EIF3E: variants seen among roughly 807,000 people sequenced by gnomAD.
EIF3E encodes eIF-3 p48.
Under a neutral mutation model 59.3 loss-of-function variants are expected in EIF3E, and 25 were observed. The ratio of observed to expected loss-of-function variants is 0.42; its 90% CI spans 0.31 to 0.59. The LOEUF (loss-of-function observed/expected upper bound fraction) is 0.59, where lower values mean the gene tolerates loss of function less well. Among genes scored for constraint, EIF3E ranks in the 20% least tolerant of loss-of-function variants. The pLI is 0.15. For synonymous variants in EIF3E, 176 were observed against 170.2 expected (o/e 1.03, Z -0.26); for missense variants, 317 against 534.3 (o/e 0.59, Z 4.01).
intron 3 of EIF3E, among the ~76,000 whole-genome samples, chr8:108,239,114 C>G (rs2129919118): frequency 6.6e-6 from 1 of 152,284 alleles, no homozygotes; most frequent in Non-Finnish European, 1.5e-5. Context: ...AAAGTGAGCT[C>G]AGGTTTCTCT....
intron 10 of EIF3E, among the ~76,000 whole-genome samples, chr8:108,205,752 G>C (rs982549588): frequency 1.3e-5 from 2 of 148,462 alleles, no homozygotes; most frequent in African/African-American, 2.5e-5. Flanking sequence ...CAAGTGTCTT[G>C]ATATCACAGA....
chr8:108,248,029 G>C (rs893462807), intron 1 of EIF3E, among the ~76,000 whole-genome samples: 1 of 142,512 alleles, frequency 7.0e-6, no homozygotes, highest in East Asian at 2.5e-4. Flanking sequence ...TTTTTCTGGG[G>C]GGGGGGGCGG....
At chr8:108,214,368 C>G (rs780960701) in intron 10 of EIF3E, among the ~76,000 whole-genome samples, 1 of 152,116 alleles carries the variant, frequency 6.6e-6, no homozygotes, top group Non-Finnish European at 1.5e-5. Context: ...AACTGATAAT[C>G]ATATATTGCC....
chr8:108,242,357 T>C, intron 1 of EIF3E: 1 of 1,289,424 alleles, frequency 7.8e-7, no homozygotes, highest in Non-Finnish European at 1.0e-6. Context: ...CTGCACCAAG[T>C]TTTTAAGTCA....
rs75558124 is a variant in EIF3E at position 108,213,432 on chromosome 8, A to T, written c.1061+1175T>A. Among the ~76,000 whole-genome samples the T allele has an allele frequency of 5.7e-3, 866 of 152,328 alleles. 8 individuals carry two copies. Among genetic ancestry groups the T allele is most frequent in the African/African-American group, 0.02 (818 of 41,570 alleles). On this transcript the variant is annotated intron_variant, in intron 10 of 12. Transcript: ENST00000220849. ...TATGTTAGGTGCTAAAGATGCAAAA[A>T]AAAGGGTCAGCTTTCAAAAGGCCCA...
At chr8:108,209,638 T>C (rs1815170257) in intron 10 of EIF3E, among the ~76,000 whole-genome samples, 3 of 152,202 alleles carry the variant, frequency 2.0e-5, no homozygotes, top group Admixed American at 6.5e-5. Flanking sequence ...TGTAATGTTT[T>C]CTTTGGAGAG....
At position 108,228,284 on chromosome 8, in the gene EIF3E, G is replaced by GAGGTCAAT; in HGVS notation, c.697_704dup (p.Phe236LeufsTer25). The GAGGTCAAT allele has an allele frequency of 6.3e-7, 1 of 1,597,310 alleles. No individual in the cohort carries two copies. The highest frequency in any genetic ancestry group is 2.3e-5 in the East Asian group (1 of 44,202). On this transcript the variant is annotated frameshift_variant, in exon 7 of 13. Coordinates refer to ENST00000220849, the MANE Select transcript of EIF3E (RefSeq NM_001568.3). LOFTEE classifies it high-confidence loss of function. Reference sequence around the variant, plus strand: ...TAACTTACTGTGGCTGATAAAGGAAGAGGTCAATAATATTATCGCGACCTT... The same window carrying GAGGTCAAT: ...TAACTTACTGTGGCTGATAAAGGAAGAGGTCAATAGGTCAATAATATTATCGCGACCTT...
chr8:108,239,246 G>A (rs1353422681), intron 3 of EIF3E, among the ~76,000 whole-genome samples: 1 of 152,130 alleles, frequency 6.6e-6, no homozygotes, highest in Non-Finnish European at 1.5e-5. Context: ...GTGGTATTAT[G>A]ACACTGACTC....
rs765453676 is a variant in EIF3E at position 108,229,235 on chromosome 8, T to C, written c.472-40A>G. The C allele has an allele frequency of 7.5e-6, 12 of 1,596,678 alleles. No homozygotes were observed. In the African/African-American group the frequency reaches 8.1e-5, roughly 11 times the overall value. On this transcript the variant is annotated intron_variant, in intron 5 of 12. Transcript: ENST00000220849. ...ATAATTAATTATATTGTGAATACTC[T>C]TGAAAAATGAACATAATGTATGTTT...
At chr8:108,247,379 G>A (rs995279819) in intron 1 of EIF3E, among the ~76,000 whole-genome samples, 1 of 152,238 alleles carries the variant, frequency 6.6e-6, no homozygotes, top group African/African-American at 2.4e-5. Flanking sequence ...AGAAAACAAT[G>A]CAGATGCGAA....
At chr8:108,218,785 T>TA (rs1431100653) in intron 7 of EIF3E, among the ~76,000 whole-genome samples, 1 of 142,004 alleles carries the variant, frequency 7.0e-6, no homozygotes, top group Non-Finnish European at 1.5e-5. Flanking sequence ...TTTATTTCTT[T>TA]TTTTTTTTTT....
chr8:108,233,876 T>TTA (rs1327121655), intron 5 of EIF3E, among the ~76,000 whole-genome samples: 1 of 150,260 alleles, frequency 6.7e-6, no homozygotes, highest in Non-Finnish European at 1.5e-5. Context: ...ATCTTAGACT[T>TTA]TAAGTACCTA....
chr8:108,222,941 T>C (rs566548424), intron 7 of EIF3E, among the ~76,000 whole-genome samples: 6 of 151,856 alleles, frequency 4.0e-5, no homozygotes, highest in Non-Finnish European at 5.9e-5. Context: ...AGCACAATCT[T>C]CCCCAACTGT....
chr8:108,212,689 C>G (rs889560373), intron 10 of EIF3E, among the ~76,000 whole-genome samples: 1 of 152,140 alleles, frequency 6.6e-6, no homozygotes, highest in African/African-American at 2.4e-5. Context: ...GTAATCTCAG[C>G]TACTTGGGAG....
chr8:108,210,057 T>A (rs909095949), intron 10 of EIF3E, among the ~76,000 whole-genome samples: 1 of 147,616 alleles, frequency 6.8e-6, no homozygotes, highest in African/African-American at 2.5e-5. Flanking sequence ...TTTTTTTTTT[T>A]AAGCCAGATC....
At chr8:108,238,515 A>G (rs896659752) in intron 3 of EIF3E, among the ~76,000 whole-genome samples, 61 of 152,242 alleles carry the variant, frequency 4.0e-4, no homozygotes, top group African/African-American at 1.4e-3. Context: ...CTGTAGTTTT[A>G]TTTGTATTTT....
At chr8:108,219,870 T>C (rs1189832859) in intron 7 of EIF3E, among the ~76,000 whole-genome samples, 3 of 151,146 alleles carry the variant, frequency 2.0e-5, no homozygotes, top group Non-Finnish European at 4.4e-5. Context: ...AGGCGGGGCA[T>C]GGTGGCTCAT....
At chr8:108,221,245 G>C (rs559631133) in intron 7 of EIF3E, among the ~76,000 whole-genome samples, 1 of 152,134 alleles carries the variant, frequency 6.6e-6, no homozygotes, top group African/African-American at 2.4e-5. Context: ...AGTCTCCCAG[G>C]CTCAACTGAT....
intron 10 of EIF3E, among the ~76,000 whole-genome samples, chr8:108,209,881 T>C (rs1815174624): frequency 6.6e-6 from 1 of 152,118 alleles, no homozygotes; most frequent in Admixed American, 6.6e-5. Flanking sequence ...GTGATAGAAA[T>C]GTTCTGTATC....
Sources: allele counts gnomAD v4.1 joint callset (sites outside exome capture counted in the v4.1 genomes callset), GRCh38; gene constraint gnomAD v4.1.1; transcripts MANE v1.5; gene names NCBI Gene and HGNC (gene_info 2026-07-23, HGNC 2026-07-21).